The following GPHN variants were observed in gnomAD, a reference collection of about 807,000 sequenced individuals.
The protein encoded by GPHN is gephyrin.
GPHN carries 17 observed loss-of-function variants against 95.5 expected under a neutral mutation model. The ratio of observed to expected loss-of-function variants is 0.18; its 90% CI spans 0.12 to 0.27. GPHN has a LOEUF of 0.27. Among genes scored for constraint, GPHN ranks in the 10% least tolerant of loss-of-function variants. The pLI, the probability that GPHN is intolerant of heterozygous loss-of-function variation, is 1.00. For missense variants in GPHN, 660 were observed against 978.1 expected, an observed-to-expected ratio of 0.67 and a Z score of 4.34; for synonymous variants, 320 against 322.5, an observed-to-expected ratio of 0.99 and a Z score of 0.08.
chr14:67,037,363 A>G (rs140382407), intron 10 of GPHN, among the ~76,000 whole-genome samples: 1 of 152,128 alleles, frequency 6.6e-6, no homozygotes, highest in Non-Finnish European at 1.5e-5. Context: ...AAATATGCAG[A>G]AAAACTTTAT....
At chr14:66,808,899 A>G (rs985585907) in intron 3 of GPHN, among the ~76,000 whole-genome samples, 3 of 152,232 alleles carry the variant, frequency 2.0e-5, no homozygotes, top group Non-Finnish European at 2.9e-5. Flanking sequence ...CATGGAGAAC[A>G]TGATGGGAAG....
At chr14:67,676,585 A>G in the GPHN span, among the ~76,000 whole-genome samples, 1 of 152,202 alleles carries the variant, frequency 6.6e-6, no homozygotes. Flanking sequence ...AAAGGAAAAA[A>G]AAATGGCCCG....
At chr14:67,645,600 T>G in the GPHN span, 411 of 1,590,548 alleles carry the variant, frequency 2.6e-4, no homozygotes, top group Non-Finnish European at 3.2e-4. Flanking sequence ...TCGGTCATGT[T>G]TGCCAAGCAG....
chr14:67,352,744 A>T, the GPHN span: 4 of 535,788 alleles, frequency 7.5e-6, no homozygotes, highest in Non-Finnish European at 1.3e-5. Context: ...AGGCAAGATT[A>T]AAGAGTTTGG....
At position 66,890,394 on chromosome 14, in the gene GPHN, G is replaced by A. The variant is rs113466718; in HGVS notation, c.389+10361G>A. Among the ~76,000 whole-genome samples the A allele has an allele frequency of 3.3e-3, 447 of 135,166 alleles. 9 individuals are homozygous for A. Among genetic ancestry groups the A allele is most frequent in the African/African-American group, 0.012 (423 of 34,252 alleles). The allele number at this position is 135,166 out of a possible 152,430, so 88.7% of individuals were successfully genotyped here. The stretch of plus-strand genomic sequence containing the variant: ...GCACTGCGCTCCAGCCTGGGCAACA[G>A]AGTGAGACCCTGTCTCAAAAAAAAA... On this transcript the variant is annotated intron_variant, in intron 5 of 22. Transcript: ENST00000478722.
At chr14:66,807,791 A>G (rs867902988) in intron 3 of GPHN, among the ~76,000 whole-genome samples, 2 of 152,324 alleles carry the variant, frequency 1.3e-5, no homozygotes, top group South Asian at 2.1e-4. Context: ...AGGACATTTC[A>G]GTTGTTTTCA....
the GPHN span, among the ~76,000 whole-genome samples, chr14:67,522,973 A>G: frequency 6.6e-6 from 1 of 152,212 alleles, no homozygotes; most frequent in East Asian, 1.9e-4. Flanking sequence ...ACAAATGTGT[A>G]TTGAGTGTCT....
the GPHN span, chr14:67,576,389 T>A: frequency 6.4e-7 from 1 of 1,573,164 alleles, no homozygotes; most frequent in Non-Finnish European, 8.7e-7. The surrounding 1 kb of genome is among the most constrained non-coding windows in gnomAD (Gnocchi z 4.0). Context: ...TTCCGCCCTC[T>A]TCCAGGATAC....
the GPHN span, among the ~76,000 whole-genome samples, chr14:67,400,153 T>C: frequency 6.6e-6 from 1 of 152,218 alleles, no homozygotes; most frequent in African/African-American, 2.4e-5. Context: ...TTTGTGCATA[T>C]AACTGAGCTT....
chr14:67,048,667 G>A lies in GPHN; in HGVS notation c.1007-9982G>A, dbSNP rs186625053. On this transcript the variant is annotated intron_variant, in intron 10 of 22. Transcript: ENST00000478722. Reference sequence around the variant, plus strand: ...TCAAATAAAAATCCTATATCCTAAAGAACCTTGTAGTTTATTTTTACCAAA... The same window carrying A: ...TCAAATAAAAATCCTATATCCTAAAAAACCTTGTAGTTTATTTTTACCAAA... 3.4e-4 allele frequency among the ~76,000 whole-genome samples: 52 copies of A among 152,254 alleles called. 1 individual carries two copies. Among genetic ancestry groups the A allele is most frequent in the African/African-American group, 1.3e-3 (52 of 41,558 alleles).
At chr14:67,504,655 G>A in the GPHN span, among the ~76,000 whole-genome samples, 4 of 152,308 alleles carry the variant, frequency 2.6e-5, no homozygotes, top group South Asian at 6.2e-4. Context: ...GGGAGGCCGA[G>A]GTGGGTGGAT....
chr14:66,534,269 T>C (rs2059052527), intron 1 of GPHN, among the ~76,000 whole-genome samples: 1 of 152,158 alleles, frequency 6.6e-6, no homozygotes, highest in African/African-American at 2.4e-5. Flanking sequence ...AGCCTCTCCT[T>C]CATGGTTTTC....
At chr14:67,002,347 C>A (rs1401904821) in intron 9 of GPHN, among the ~76,000 whole-genome samples, 2 of 112,222 alleles carry the variant, frequency 1.8e-5, no homozygotes, top group African/African-American at 3.4e-5. Context: ...TACCTAGAGT[C>A]TCTGAATAGC....
At chr14:67,613,496 C>G in the GPHN span, 1 of 156,906 alleles carries the variant, frequency 6.4e-6, no homozygotes, top group Non-Finnish European at 1.4e-5. Context: ...CCACTGCACT[C>G]CAGCTCAAGT....
At chr14:66,690,224 T>A (rs1025847090) in intron 2 of GPHN, among the ~76,000 whole-genome samples, 1 of 152,152 alleles carries the variant, frequency 6.6e-6, no homozygotes, top group African/African-American at 2.4e-5. Context: ...TTTTTTGGTA[T>A]GTTGTGTTTC....
chr14:66,508,212 C>G lies in GPHN; in HGVS notation c.-316C>G, dbSNP rs1202924856. ...GCGCTCCGCAGAGCGTTCCGACACT[C>G]TCCGGCCTCGTTCTGCCGCCTCCGC... On this transcript the variant is annotated 5_prime_UTR_variant, in exon 1 of 23. Transcript: ENST00000478722. 2 of 524,898 alleles carry G rather than the reference C, an allele frequency of 3.8e-6. No homozygotes were observed. The highest frequency in any genetic ancestry group is 3.2e-5 in the Admixed American group (1 of 31,096). 32.5% of individuals were successfully genotyped at this position (524,898 alleles called of 1,614,324 possible).
At chr14:67,488,993 A>G in the GPHN span, among the ~76,000 whole-genome samples, 1 of 151,956 alleles carries the variant, frequency 6.6e-6, no homozygotes, top group African/African-American at 2.4e-5. Flanking sequence ...GGCCTCACTG[A>G]CACTCCCTAT....
chr14:66,875,519 G>C (rs950585609), intron 4 of GPHN, among the ~76,000 whole-genome samples: 1 of 152,086 alleles, frequency 6.6e-6, no homozygotes, highest in African/African-American at 2.4e-5. Flanking sequence ...CTGATCTCAC[G>C]TGCAAAGACA....
chr14:66,659,043 A>G (rs1422343114), intron 1 of GPHN, among the ~76,000 whole-genome samples: 1 of 151,426 alleles, frequency 6.6e-6, no homozygotes, highest in Non-Finnish European at 1.5e-5. Flanking sequence ...TTGATTTGAG[A>G]CTTTTACTGT....
Sources: allele counts gnomAD v4.1 joint callset (sites outside exome capture counted in the v4.1 genomes callset), GRCh38; gene constraint gnomAD v4.1.1; non-coding constraint Gnocchi (gnomAD v3.1); transcripts MANE v1.5; gene names NCBI Gene and HGNC (gene_info 2026-07-23, HGNC 2026-07-21).